AGAP1: variants seen among roughly 807,000 people sequenced by gnomAD.
AGAP1 encodes the protein ArfGAP with GTPase domain, ankyrin repeat and PH domain 1, also known as arf-GAP with GTPase, ANK repeat and PH domain-containing protein 1.
AGAP1 carries 29 observed loss-of-function variants against 105.3 expected under a neutral mutation model. The observed-to-expected ratio is 0.28, with a 90% confidence interval of 0.21 to 0.38. The LOEUF is 0.38. Among genes scored for constraint, AGAP1 ranks in the 10% least tolerant of loss-of-function variants. AGAP1 has a pLI of 1.00. For synonymous variants in AGAP1, 509 were observed against 485.9 expected (o/e 1.05, Z -0.63); for missense variants, 998 against 1,165.1 (o/e 0.86, Z 2.09).
At chr2:235,686,648 TATATATATA>T (rs1949444028) in intron 1 of AGAP1, among the ~76,000 whole-genome samples, 1 of 47,624 alleles carries the variant, frequency 2.1e-5, no homozygotes, top group African/African-American at 1.1e-4. Flanking sequence ...TATATATAGA[TATATATATA>T]TATATATATT....
chr2:235,805,224 C>T (rs1957778272), intron 8 of AGAP1, among the ~76,000 whole-genome samples: 3 of 152,104 alleles, frequency 2.0e-5, no homozygotes, highest in Admixed American at 2.0e-4. Context: ...GCAATGAAGT[C>T]TTACCGAAGT....
At position 235,642,864 on chromosome 2, in the gene AGAP1, C is replaced by A. The variant is rs1157689182; in HGVS notation, c.164-66315C>A. 6.6e-6 allele frequency among the ~76,000 whole-genome samples: 1 copy of A among 152,190 alleles called. No homozygotes were observed. Among genetic ancestry groups the A allele is most frequent in the African/African-American group, 2.4e-5 (1 of 41,436 alleles). ...CAAATCCCAGGTTGCTGAGTCTTGG[C>A]AGATTTCTCGTGGCCTAGACTGTGG... is the stretch of plus-strand genomic sequence containing the variant. On this transcript the variant is annotated intron_variant, in intron 1 of 17. Transcript: ENST00000304032. The surrounding 1 kb of genome is among the most constrained non-coding windows in gnomAD (Gnocchi z 4.1).
intron 16 of AGAP1, among the ~76,000 whole-genome samples, chr2:236,086,991 A>G (rs995146572): frequency 6.6e-6 from 1 of 151,928 alleles, no homozygotes; most frequent in African/African-American, 2.4e-5. Flanking sequence ...AAGTTTTGGC[A>G]AACACTCGGG....
At chr2:235,696,280 G>T (rs771418843) in intron 1 of AGAP1, among the ~76,000 whole-genome samples, 3 of 152,134 alleles carry the variant, frequency 2.0e-5, no homozygotes, top group Non-Finnish European at 2.9e-5. Context: ...TCCTGACCTC[G>T]GGTGATCCAC....
In AGAP1 at chr2:236,040,700, G is replaced by T. The variant is rs754957776; in HGVS notation, c.1801-51G>T. 1 of 1,576,384 alleles carries T rather than the reference G, an allele frequency of 6.3e-7. No individual in the cohort carries two copies. The highest frequency in any genetic ancestry group is 1.7e-5 in the Admixed American group (1 of 59,664). On this transcript the variant is annotated intron_variant, in intron 14 of 17. Transcript: ENST00000304032. This position sits in a 1 kb window ranked among gnomAD's most constrained non-coding sequence, Gnocchi z 5.6. ...TTCCCTGATGTTATCAGTGATGTGC[G>T]TTTCTCCCGGGGTGCTTACGCCTTG...
At position 235,665,952 on chromosome 2, in the gene AGAP1, G is replaced by A. The variant is rs916819785; in HGVS notation, c.164-43227G>A. Among the ~76,000 whole-genome samples the A allele has an allele frequency of 1.3e-5, 2 of 152,230 alleles. No homozygotes were observed. Among genetic ancestry groups the A allele is most frequent in the African/African-American group, 2.4e-5 (1 of 41,464 alleles). On this transcript the variant is annotated intron_variant, in intron 1 of 17. Transcript: ENST00000304032. This position sits in a 1 kb window ranked among gnomAD's most constrained non-coding sequence, Gnocchi z 5.3. ...CACTTGGAAATACTATTCTCCAGGA[G>A]AATGTTTGATTTATAGGTAGCTAGA...
At chr2:235,772,979 TG>T (rs2149864600) in intron 6 of AGAP1, among the ~76,000 whole-genome samples, 1 of 152,086 alleles carries the variant, frequency 6.6e-6, no homozygotes, top group Non-Finnish European at 1.5e-5. Flanking sequence ...CTCTGTGTTT[TG>T]GAAGCAGATC....
chr2:235,742,882 A>G (rs1952673413), intron 4 of AGAP1, among the ~76,000 whole-genome samples: 1 of 152,194 alleles, frequency 6.6e-6, no homozygotes, highest in African/African-American at 2.4e-5. Context: ...AATCTACAGA[A>G]GAGGCTAGGT....
At chr2:235,584,335 G>T (rs1945032279) in intron 1 of AGAP1, among the ~76,000 whole-genome samples, 1 of 151,456 alleles carries the variant, frequency 6.6e-6, no homozygotes, top group South Asian at 2.1e-4. Flanking sequence ...TAGGAACAAG[G>T]TTAAGGGACG....
At position 235,688,813 on chromosome 2, in the gene AGAP1, C is replaced by T. The variant is rs1285051359; in HGVS notation, c.164-20366C>T. On this transcript the variant is annotated intron_variant, in intron 1 of 17. Transcript: ENST00000304032. The stretch of plus-strand genomic sequence containing the variant: ...CAGGGGAGTCAGTGGCATGACTAGG[C>T]CTGGGTCCCCTCATCCCGCCCCTCA... Among the ~76,000 whole-genome samples, 4 of 152,244 alleles carry T rather than the reference C, an allele frequency of 2.6e-5. No homozygotes were observed. In the East Asian group the frequency reaches 7.7e-4, roughly 29 times the overall value.
At chr2:235,539,121 C>T (rs1574801307) in intron 1 of AGAP1, among the ~76,000 whole-genome samples, 1 of 152,214 alleles carries the variant, frequency 6.6e-6, no homozygotes, top group African/African-American at 2.4e-5. Context: ...TGGTGATCTG[C>T]GTTGGTCTCA....
rs1481807760 is a variant in AGAP1, at chr2:235,577,816, T to G, written c.163+82967T>G. Among the ~76,000 whole-genome samples the G allele has an allele frequency of 1.2e-4, 18 of 152,090 alleles. No individual in the cohort carries two copies. The highest frequency in any genetic ancestry group is 4.3e-4 in the African/African-American group (18 of 41,424). ...GCTATTCCTGAAATGTAATCCCTCC[T>G]TCAGCGCTGCACAAAAGGCCCATGT... is the stretch of plus-strand genomic sequence containing the variant. On this transcript the variant is annotated intron_variant, in intron 1 of 17. Coordinates refer to ENST00000304032, the MANE Select transcript of AGAP1 (RefSeq NM_001037131.3). This position sits in a 1 kb window ranked among gnomAD's most constrained non-coding sequence, Gnocchi z 4.5.
rs998915378 is a variant in AGAP1 at position 235,620,656 on chromosome 2, A to G, written c.164-88523A>G. Among the ~76,000 whole-genome samples the G allele has an allele frequency of 6.6e-6, 1 of 151,918 alleles. No individual in the cohort carries two copies. The highest frequency in any genetic ancestry group is 2.4e-5 in the African/African-American group (1 of 41,356). On this transcript the variant is annotated intron_variant, in intron 1 of 17. Transcript: ENST00000304032. This position sits in a 1 kb window ranked among gnomAD's most constrained non-coding sequence, Gnocchi z 4.5. ...CCTCACCTGCTTCCTATTTCCCCAT[A>G]AACCCCAGCTCCCTGACATGTCTGG...
chr2:235,599,295 G>T lies in AGAP1; in HGVS notation c.163+104446G>T, dbSNP rs916015088. ...TGCAGTACGTTTACACTGTGTGTTG[G>T]GGGGGTGGCAGTGTGCTTTCTTCCT... On this transcript the variant is annotated intron_variant, in intron 1 of 17. Transcript: ENST00000304032. This position sits in a 1 kb window ranked among gnomAD's most constrained non-coding sequence, Gnocchi z 5.3. 2.6e-5 allele frequency among the ~76,000 whole-genome samples: 4 copies of T among 152,230 alleles called. No individual in the cohort carries two copies. In the East Asian group the frequency reaches 5.8e-4, roughly 22 times the overall value.
In AGAP1 at chr2:235,981,450, TACACACACAC is replaced by T. The variant is rs10639320; in HGVS notation, c.1645+12842_1645+12851del. 2.0e-5 allele frequency among the ~76,000 whole-genome samples: 3 copies of T among 149,278 alleles called. No individual in the cohort carries two copies. The highest frequency in any genetic ancestry group is 6.7e-5 in the Admixed American group (1 of 14,918). ...AATTTCTAAGTTCATGTTCCATGCG[TACACACACAC>T]ACACACACACACACGGTGTTATTTT... is the stretch of plus-strand genomic sequence containing the variant. On this transcript the variant is annotated intron_variant, in intron 13 of 17. Coordinates refer to ENST00000304032, the MANE Select transcript of AGAP1 (RefSeq NM_001037131.3). This position sits in a 1 kb window ranked among gnomAD's most constrained non-coding sequence, Gnocchi z 5.5.
Position 235,799,102 on chromosome 2 carries a change from C to T in AGAP1, c.802-265C>T, listed in dbSNP as rs1017583818. 1.1e-4 allele frequency among the ~76,000 whole-genome samples: 17 copies of T among 152,196 alleles called. No homozygotes were observed. The highest frequency in any genetic ancestry group is 7.7e-4 in the East Asian group (4 of 5,172). Reference sequence around the variant, plus strand: ...TAATCAAATTTGAACTCTCAGAAATCTTTTAAGTTAAATGAAAGAGACTTC... The same window carrying T: ...TAATCAAATTTGAACTCTCAGAAATTTTTTAAGTTAAATGAAAGAGACTTC... On this transcript the variant is annotated intron_variant, in intron 7 of 17. Transcript: ENST00000304032. This position sits in a 1 kb window ranked among gnomAD's most constrained non-coding sequence, Gnocchi z 5.0.
chr2:235,805,898 C>A (rs974272528), intron 8 of AGAP1, among the ~76,000 whole-genome samples: 12 of 152,220 alleles, frequency 7.9e-5, no homozygotes, highest in African/African-American at 2.7e-4. Context: ...AGTAGGTGTT[C>A]AATAAGCATC....
chr2:236,088,922 T>C lies in AGAP1; in HGVS notation c.2115-31270T>C, dbSNP rs542481048. Among the ~76,000 whole-genome samples, 12 of 152,342 alleles carry C rather than the reference T, an allele frequency of 7.9e-5. No homozygotes were observed. The South Asian group carries it at 2.3e-3, about 29-fold the overall frequency. On this transcript the variant is annotated intron_variant, in intron 16 of 17. Coordinates refer to ENST00000304032, the MANE Select transcript of AGAP1 (RefSeq NM_001037131.3). Reference sequence around the variant, plus strand: ...AGTTGCTTAACAGGGCATTCGATCATGATGGTGATCGTCATAAAGACACAC... The same window carrying C: ...AGTTGCTTAACAGGGCATTCGATCACGATGGTGATCGTCATAAAGACACAC...
In AGAP1 at chr2:235,747,730, G is replaced by T. The variant is rs182311472; in HGVS notation, c.539-2624G>T. Among the ~76,000 whole-genome samples the T allele has an allele frequency of 3.2e-4, 49 of 152,352 alleles. No individual in the cohort carries two copies. Among genetic ancestry groups the T allele is most frequent in the African/African-American group, 1.2e-3 (49 of 41,584 alleles). ...TGCAGACTTGCTCTCCGTGAAGCCC[G>T]TGCTCGGCTGCTCTTTCAGGGGTTT... On this transcript the variant is annotated intron_variant, in intron 5 of 17. Transcript: ENST00000304032. This position sits in a 1 kb window ranked among gnomAD's most constrained non-coding sequence, Gnocchi z 5.0.
Sources: allele counts gnomAD v4.1 joint callset (sites outside exome capture counted in the v4.1 genomes callset), GRCh38; gene constraint gnomAD v4.1.1; non-coding constraint Gnocchi (gnomAD v3.1); transcripts MANE v1.5; gene names NCBI Gene and HGNC (gene_info 2026-07-23, HGNC 2026-07-21).